The following C1QTNF3 variants were observed in gnomAD, a reference collection of about 807,000 sequenced individuals.
C1QTNF3 encodes the protein C1q and TNF related 3.
C1QTNF3 carries 26 observed loss-of-function variants against 32.6 expected under a neutral mutation model. The observed-to-expected ratio is 0.80, with a 90% CI of 0.58 to 1.11. C1QTNF3 has a LOEUF of 1.11. C1QTNF3 is among the 50% of genes least tolerant of loss of function. The pLI is 0.00. For missense variants in C1QTNF3, 362 were observed against 398.2 expected (o/e 0.91, Z 0.77); for synonymous variants, 155 against 146.0 (o/e 1.06, Z -0.44).
At chr5:34,176,015 A>T in the C1QTNF3 span, 1 of 684,732 alleles carries the variant, frequency 1.5e-6, no homozygotes. Context: ...TGTTAGATAA[A>T]AATAAAGATC....
At chr5:34,195,836 T>C in the C1QTNF3 span, among the ~76,000 whole-genome samples, 1 of 145,464 alleles carries the variant, frequency 6.9e-6, no homozygotes, top group East Asian at 2.0e-4. Flanking sequence ...CGAGACTCTG[T>C]CTCAAAAAAA....
the C1QTNF3 span, among the ~76,000 whole-genome samples, chr5:34,221,194 A>G: frequency 2.0e-5 from 3 of 152,156 alleles, no homozygotes; most frequent in African/African-American, 7.2e-5. Context: ...CACAAGGTCA[A>G]GGAATTTTAT....
chr5:34,023,059 G>T (rs1257691451), intron 5 of C1QTNF3, among the ~76,000 whole-genome samples: 1 of 152,114 alleles, frequency 6.6e-6, no homozygotes, highest in Non-Finnish European at 1.5e-5. Context: ...GTTTCACCGT[G>T]TTAGCCAGGA....
At chr5:34,225,218 A>G in the C1QTNF3 span, among the ~76,000 whole-genome samples, 5 of 151,974 alleles carry the variant, frequency 3.3e-5, no homozygotes, top group African/African-American at 1.2e-4. Flanking sequence ...TTGCAATAAC[A>G]AAAGAAAATT....
the C1QTNF3 span, among the ~76,000 whole-genome samples, chr5:34,137,739 T>A: frequency 1.3e-5 from 2 of 152,206 alleles, no homozygotes; most frequent in African/African-American, 4.8e-5. Context: ...AAGAAGTAAA[T>A]TAATTTACAT....
At chr5:34,026,844 A>G (rs1325553908) in intron 4 of C1QTNF3, among the ~76,000 whole-genome samples, 1 of 152,244 alleles carries the variant, frequency 6.6e-6, no homozygotes, top group African/African-American at 2.4e-5. Context: ...GTTGTCATGT[A>G]GTAGATGAAA....
the C1QTNF3 span, among the ~76,000 whole-genome samples, chr5:34,157,767 A>G: frequency 6.6e-6 from 1 of 152,208 alleles, no homozygotes; most frequent in African/African-American, 2.4e-5. Flanking sequence ...TAGCCTCTAA[A>G]GAGGAACACT....
the C1QTNF3 span, among the ~76,000 whole-genome samples, chr5:34,235,089 C>G: frequency 2.0e-5 from 3 of 152,050 alleles, no homozygotes; most frequent in East Asian, 5.8e-4. Flanking sequence ...TAAAGATGAC[C>G]ACTTTAAGGT....
chr5:34,026,493 GAA>G (rs11335592), intron 4 of C1QTNF3, among the ~76,000 whole-genome samples: 45 of 145,722 alleles, frequency 3.1e-4, no homozygotes, highest in South Asian at 8.6e-4. Context: ...AGAAAAGAAA[GAA>G]AAAAAAAGTC....
the C1QTNF3 span, among the ~76,000 whole-genome samples, chr5:34,240,140 T>C: frequency 6.6e-6 from 1 of 150,808 alleles, no homozygotes; most frequent in African/African-American, 2.4e-5. Context: ...TAAATCAGTG[T>C]TAAGAGGAAC....
At chr5:34,222,104 A>AT in the C1QTNF3 span, among the ~76,000 whole-genome samples, 4 of 151,964 alleles carry the variant, frequency 2.6e-5, no homozygotes, top group Admixed American at 1.3e-4. Context: ...GGCAATGTTG[A>AT]TTTTTTTGTG....
the C1QTNF3 span, among the ~76,000 whole-genome samples, chr5:34,129,433 A>G: frequency 6.6e-6 from 1 of 152,218 alleles, no homozygotes; most frequent in Non-Finnish European, 1.5e-5. Context: ...TAGGAGTGAG[A>G]GGAATGAAGA....
At chr5:34,157,330 T>C in the C1QTNF3 span, among the ~76,000 whole-genome samples, 1 of 152,202 alleles carries the variant, frequency 6.6e-6, no homozygotes, top group African/African-American at 2.4e-5. Context: ...AATCAAGTTT[T>C]ATGACTCTCC....
At chr5:34,143,421 A>G in the C1QTNF3 span, among the ~76,000 whole-genome samples, 1 of 152,226 alleles carries the variant, frequency 6.6e-6, no homozygotes, top group Non-Finnish European at 1.5e-5. Context: ...AAATTCAAGA[A>G]AGAGAGAGCA....
At chr5:34,062,431 A>G in the C1QTNF3 span, among the ~76,000 whole-genome samples, 6 of 152,336 alleles carry the variant, frequency 3.9e-5, no homozygotes, top group Middle Eastern at 3.4e-3. Flanking sequence ...CCTTTTGGGT[A>G]CAATATATGA....
At chr5:34,241,767 G>T in the C1QTNF3 span, among the ~76,000 whole-genome samples, 208 of 151,780 alleles carry the variant, frequency 1.4e-3, 1 homozygote, top group African/African-American at 4.3e-3. Context: ...TAAATAGCGA[G>T]GCATGGTGGC....
the C1QTNF3 span, among the ~76,000 whole-genome samples, chr5:34,222,650 T>C: frequency 1.3e-5 from 2 of 151,948 alleles, no homozygotes; most frequent in Non-Finnish European, 2.9e-5. Context: ...GTATATGCAA[T>C]GAGTGTCACT....
At chr5:34,180,586 T>G in the C1QTNF3 span, among the ~76,000 whole-genome samples, 2 of 152,418 alleles carry the variant, frequency 1.3e-5, no homozygotes, top group South Asian at 4.1e-4. Flanking sequence ...GGGCACTCTA[T>G]GAGACAACAG....
At chr5:34,141,331 G>A in the C1QTNF3 span, among the ~76,000 whole-genome samples, 1 of 152,090 alleles carries the variant, frequency 6.6e-6, no homozygotes, top group South Asian at 2.1e-4. Context: ...TGTTAGCCAG[G>A]ATAGTCTCGA....
Sources: gnomAD v4.1 joint callset for allele counts (sites outside exome capture counted in the v4.1 genomes callset) on GRCh38, gnomAD v4.1.1 for gene constraint, MANE v1.5 for transcripts, NCBI Gene and HGNC (gene_info 2026-07-23, HGNC 2026-07-21) for gene names.